The following ANK3 variants were observed in gnomAD, a reference collection of about 807,000 sequenced individuals.
ANK3 encodes ankyrin-3.
Under a neutral mutation model 370.9 loss-of-function variants are expected in ANK3, and 57 were observed. That is an observed-to-expected ratio of 0.15 (90% CI 0.12 to 0.19). The LOEUF is 0.19. Among genes scored for constraint, ANK3 ranks in the 10% least tolerant of loss-of-function variants. The pLI, the probability that ANK3 is intolerant of heterozygous loss-of-function variation, is 1.00. For missense variants in ANK3, 4,439 were observed against 5,302.1 expected (o/e 0.84, Z 5.06); for synonymous variants, 1,929 against 1,946.3 (o/e 0.99, Z 0.23).
intron 2 of ANK3, among the ~76,000 whole-genome samples, chr10:60,463,287 TAA>T (rs2064934098): frequency 6.6e-6 from 1 of 152,172 alleles, no homozygotes; most frequent in Admixed American, 6.5e-5. Flanking sequence ...TTATCCCTAT[TAA>T]GAGTCATCTT....
chr10:60,390,984 G>A (rs940885489), upstream of ANK3, among the ~76,000 whole-genome samples: 6 of 152,130 alleles, frequency 3.9e-5, no homozygotes, highest in African/African-American at 1.4e-4. Context: ...GCTGTTGTTT[G>A]TCTGCTTCAC....
At chr10:60,541,430 C>T (rs1336090381) in intron 2 of ANK3, among the ~76,000 whole-genome samples, 1 of 151,906 alleles carries the variant, frequency 6.6e-6, no homozygotes, top group Non-Finnish European at 1.5e-5. Flanking sequence ...AAATGGCAAG[C>T]AAACTCAGAT....
intron 1 of ANK3, among the ~76,000 whole-genome samples, chr10:60,349,438 C>T (rs1268908185): frequency 6.6e-6 from 1 of 152,056 alleles, no homozygotes; most frequent in South Asian, 2.1e-4. Context: ...TAAGGATAAT[C>T]GGTTGATGCT....
rs191630513 is a variant in ANK3, at chr10:60,073,108, C to T, written c.7773G>A (p.Val2591=). ...VKEAEEKLTE[V]SQFFRDKTEK... ...CAGTTTTGTCACGAAAAAACTGTGA[C>T]ACTTCAGTCAGTTTTTCTTCAGCCT... The change falls in exon 37 of 44, where the codon GTG becomes GTA. Residue 2591 remains valine (V), a synonymous_variant. Coordinates refer to ENST00000280772, the MANE Select transcript of ANK3 (RefSeq NM_020987.5). The T allele has an allele frequency of 2.3e-5, 37 of 1,614,130 alleles. No individual in the cohort carries two copies. In the African/African-American group the frequency reaches 4.9e-4, roughly 22 times the overall value.
At chr10:60,390,373 C>T (rs190591801), upstream of ANK3, among the ~76,000 whole-genome samples, 251 of 152,248 alleles carry the variant, frequency 1.6e-3, 1 homozygote, top group African/African-American at 5.8e-3. Flanking sequence ...GGAGGTTCCC[C>T]AGGACTCTCC....
intron 2 of ANK3, among the ~76,000 whole-genome samples, chr10:60,545,689 C>G (rs935913851): frequency 6.6e-6 from 1 of 152,014 alleles, no homozygotes; most frequent in African/African-American, 2.4e-5. Flanking sequence ...CTAGATCTGA[C>G]TCACAAGGTC....
chr10:60,225,192 C>T (rs1340294897), intron 8 of ANK3, among the ~76,000 whole-genome samples: 1 of 152,136 alleles, frequency 6.6e-6, no homozygotes, highest in East Asian at 1.9e-4. Context: ...GGATTACAGG[C>T]ATGAGCCACC....
At position 60,068,804 on chromosome 10, in the gene ANK3, G is replaced by T; in HGVS notation, c.12077C>A (p.Ser4026Tyr). 2.5e-6 allele frequency: 4 copies of T among 1,614,158 alleles called. No individual in the cohort carries two copies. The highest frequency in any genetic ancestry group is 3.4e-6 in the Non-Finnish European group (4 of 1,180,024). ...EEEKKMQSEL[S>Y]DEEESTSRNT... ...TCTTGAGGTACTTTCTTCCTCATCG[G>T]ACAACTCGGACTGCATCTTTTTTTC... is the stretch of plus-strand genomic sequence containing the variant. Residue 4026 changes from serine (S) to tyrosine (Y), a missense_variant, in exon 37 of 44, where the codon TCC (serine) becomes TAC (tyrosine). By Grantham distance (144) the Ser-to-Tyr change is moderately radical (BLOSUM62 -2). Coordinates refer to ENST00000280772, the MANE Select transcript of ANK3 (RefSeq NM_020987.5).
chr10:60,306,428 C>T lies in ANK3; in HGVS notation c.115-26789G>A, dbSNP rs973697643. Among the ~76,000 whole-genome samples, 92 of 112,052 alleles carry T rather than the reference C, an allele frequency of 8.2e-4. 1 individual carries two copies. The East Asian group carries it at 0.025, about 30-fold the overall frequency. The allele number at this position is 112,052 out of a possible 152,430, so 73.5% of individuals were successfully genotyped here. ...TGAGTAGTATTCCACGGTGTATGTG[C>T]ATATATATATATATATATATATATA... On this transcript the variant is annotated intron_variant, in intron 1 of 43. Coordinates refer to ENST00000280772, the MANE Select transcript of ANK3 (RefSeq NM_020987.5).
At chr10:60,476,874 C>T (rs1008559839) in intron 2 of ANK3, among the ~76,000 whole-genome samples, 9 of 152,200 alleles carry the variant, frequency 5.9e-5, no homozygotes, top group South Asian at 2.1e-4. Context: ...CAATCATTTT[C>T]GAATTCTAGT....
intron 1 of ANK3, among the ~76,000 whole-genome samples, chr10:60,341,091 C>T (rs908999624): frequency 2.0e-5 from 3 of 152,154 alleles, no homozygotes; most frequent in South Asian, 4.1e-4. Flanking sequence ...TGCCATCTGA[C>T]CACTTCCTCA....
rs1326156660 is a variant in ANK3 at position 60,389,543 on chromosome 10, C to G, written c.-5G>C. The G allele has an allele frequency of 1.2e-6, 2 of 1,613,094 alleles. No homozygotes were observed. Among genetic ancestry groups the G allele is most frequent in the East Asian group, 4.5e-5 (2 of 44,878 alleles). On this transcript the variant is annotated 5_prime_UTR_variant, in exon 1 of 44. An upstream start codon of the reference 5' UTR is lost. Transcript: ENST00000280772. ...TTGTGAGGCTGCATGAGCCATAATG[C>G]ATTTAAAAAGATCCTCTCAAGCACA...
intron 5 of ANK3, among the ~76,000 whole-genome samples, chr10:60,264,978 T>A (rs960231156): frequency 6.6e-6 from 1 of 151,842 alleles, no homozygotes; most frequent in Non-Finnish European, 1.5e-5. Context: ...TTTTTTCTTT[T>A]TAAATTTTAT....
At chr10:60,325,939 C>A (rs542319377) in intron 1 of ANK3, among the ~76,000 whole-genome samples, 1 of 152,296 alleles carries the variant, frequency 6.6e-6, no homozygotes, top group South Asian at 2.1e-4. Flanking sequence ...CCATGGGATA[C>A]TATGCAGCCA....
chr10:60,081,851 TA>T, intron 35 of ANK3: 1 of 254,072 alleles, frequency 3.9e-6, no homozygotes. Context: ...TTGACTTGTC[TA>T]AAAAAATTTT....
chr10:60,189,743 A>G (rs1321073798), intron 16 of ANK3, among the ~76,000 whole-genome samples: 1 of 152,210 alleles, frequency 6.6e-6, no homozygotes, highest in African/African-American at 2.4e-5. Context: ...ATTCTGACCT[A>G]CAGGGTTTTT....
intron 1 of ANK3, among the ~76,000 whole-genome samples, chr10:60,378,083 T>C (rs1404209544): frequency 6.6e-6 from 1 of 152,200 alleles, no homozygotes; most frequent in African/African-American, 2.4e-5. Flanking sequence ...TCATTGCTTC[T>C]ATTGTCAAGG....
rs201479505 is a variant in ANK3 at position 60,279,499 on chromosome 10, G to C, written c.216+39C>G. The C allele has an allele frequency of 7.6e-5, 114 of 1,508,308 alleles. No homozygotes were observed. In the African/African-American group the frequency reaches 1.5e-3, roughly 20 times the overall value. The allele number at this position is 1,508,308 out of a possible 1,614,324, so 93.4% of individuals were successfully genotyped here. A position where few individuals can be genotyped will look rare whatever the true frequency, so the allele number is the denominator to read the frequency against. On this transcript the variant is annotated intron_variant, in intron 2 of 43. Coordinates refer to ENST00000280772, the MANE Select transcript of ANK3 (RefSeq NM_020987.5). Reference sequence around the variant, plus strand: ...AAGGAGCTTGAAGTCTGGATTTTTAGAATTTTAAGTAAAAAATTCAATAAT... The same window carrying C: ...AAGGAGCTTGAAGTCTGGATTTTTACAATTTTAAGTAAAAAATTCAATAAT...
intron 18 of ANK3, among the ~76,000 whole-genome samples, chr10:60,175,897 T>A (rs1202258469): frequency 3.3e-5 from 5 of 152,198 alleles, no homozygotes; most frequent in Non-Finnish European, 5.9e-5. Flanking sequence ...TGTGTTGTCA[T>A]AAGGATTAAC....
Sources: gnomAD v4.1 joint callset for allele counts (sites outside exome capture counted in the v4.1 genomes callset) on GRCh38, gnomAD v4.1.1 for gene constraint, MANE v1.5 for transcripts, NCBI Gene and HGNC (gene_info 2026-07-23, HGNC 2026-07-21) for gene names.